PHLDB2: variants seen among roughly 807,000 people sequenced by gnomAD.
The protein encoded by PHLDB2 is pleckstrin homology like domain family B member 2.
Under a neutral mutation model 123.6 loss-of-function variants are expected in PHLDB2, and 71 were observed. That is an observed-to-expected ratio of 0.57 (90% CI 0.47 to 0.70). The LOEUF is 0.70. Among genes scored for constraint, PHLDB2 ranks in the 30% least tolerant of loss-of-function variants. PHLDB2 has a pLI of 0.00. For synonymous variants in PHLDB2, 547 were observed against 541.6 expected (o/e 1.01, Z -0.14); for missense variants, 1,446 against 1,519.5 (o/e 0.95, Z 0.80).
intron 1 of PHLDB2, among the ~76,000 whole-genome samples, chr3:111,771,800 T>C (rs1299291116): frequency 2.6e-5 from 4 of 152,164 alleles, no homozygotes; most frequent in Non-Finnish European, 5.9e-5. Context: ...AAGATCACAT[T>C]CACAGGTACT....
intron 14 of PHLDB2, 106 bp downstream of exon 14, chr3:111,966,809 T>A: frequency 1.3e-6 from 1 of 783,056 alleles, no homozygotes; most frequent in Admixed American, 2.6e-5. Flanking sequence ...GTTCCTGGAA[T>A]AAATCACTCA....
At chr3:111,734,921 A>T (rs1941635995) in intron 1 of PHLDB2, among the ~76,000 whole-genome samples, 2 of 152,238 alleles carry the variant, frequency 1.3e-5, no homozygotes, top group Admixed American at 1.3e-4. Context: ...AAAGGCCAGT[A>T]GTGGACTTCC....
intron 1 of PHLDB2, among the ~76,000 whole-genome samples, chr3:111,811,459 G>A (rs967186333): frequency 2.0e-5 from 3 of 152,220 alleles, no homozygotes; most frequent in South Asian, 4.1e-4. Context: ...AGGCCAGTGA[G>A]TGTCAAGCTT....
chr3:111,881,773 C>CTTTTTTTTT (rs11298720), intron 1 of PHLDB2, among the ~76,000 whole-genome samples: 1 of 137,432 alleles, frequency 7.3e-6, no homozygotes, highest in African/African-American at 2.7e-5. Flanking sequence ...CCTCACTTTT[C>CTTTTTTTTT]TTTTTTTTTT....
At chr3:111,845,479 T>G (rs2063934876) in intron 1 of PHLDB2, among the ~76,000 whole-genome samples, 1 of 135,108 alleles carries the variant, frequency 7.4e-6, no homozygotes, top group South Asian at 2.3e-4. Flanking sequence ...AAATAGAAAA[T>G]AAGCAGCAAC....
chr3:111,855,905 A>G (rs911404767), upstream of PHLDB2, among the ~76,000 whole-genome samples: 1 of 152,178 alleles, frequency 6.6e-6, no homozygotes, highest in Non-Finnish European at 1.5e-5. Context: ...TGTTGGGATT[A>G]CAGGCATGAG....
intron 11 of PHLDB2, 144 bp from the exon 12 acceptor site, chr3:111,953,786 T>A: frequency 1.7e-6 from 1 of 601,852 alleles, no homozygotes; most frequent in Non-Finnish European, 2.8e-6. Context: ...CCTTTACCAC[T>A]TAGCATCAAC....
chr3:111,956,146 A>G (rs1190875855), intron 12 of PHLDB2, among the ~76,000 whole-genome samples: 1 of 152,212 alleles, frequency 6.6e-6, no homozygotes, highest in Non-Finnish European at 1.5e-5. Flanking sequence ...GTGAGCTGCC[A>G]TCATGCCACT....
intron 2 of PHLDB2, among the ~76,000 whole-genome samples, chr3:111,886,954 A>G (rs573700090): frequency 6.6e-6 from 1 of 152,370 alleles, no homozygotes; most frequent in South Asian, 2.1e-4. Flanking sequence ...TATTATTTAT[A>G]AAGCCAGAAT....
intron 1 of PHLDB2, among the ~76,000 whole-genome samples, chr3:111,836,132 A>G (rs994691036): frequency 1.3e-5 from 2 of 152,210 alleles, no homozygotes; most frequent in Admixed American, 1.3e-4. Flanking sequence ...TTTCAATGAT[A>G]TGACTTAAGA....
intron 1 of PHLDB2, among the ~76,000 whole-genome samples, chr3:111,773,626 T>C (rs563062258): frequency 8.3e-4 from 126 of 152,346 alleles, no homozygotes; most frequent in African/African-American, 3.0e-3. Context: ...ACTTCGTATC[T>C]TTCTGCCTTG....
At chr3:111,748,439 A>T (rs2059715332) in intron 1 of PHLDB2, among the ~76,000 whole-genome samples, 1 of 152,162 alleles carries the variant, frequency 6.6e-6, no homozygotes, top group South Asian at 2.1e-4. Flanking sequence ...GGCAGGCAAA[A>T]TAGTCAAAAG....
intron 1 of PHLDB2, among the ~76,000 whole-genome samples, chr3:111,841,598 G>A (rs1488290184): frequency 6.6e-6 from 1 of 152,108 alleles, no homozygotes; most frequent in Admixed American, 6.5e-5. Flanking sequence ...AAAGAGATGC[G>A]TTTTCTCTGG....
intron 1 of PHLDB2, among the ~76,000 whole-genome samples, chr3:111,794,573 G>A (rs2061071842): frequency 6.6e-6 from 1 of 152,132 alleles, no homozygotes; most frequent in Non-Finnish European, 1.5e-5. Context: ...TGGCCATCTT[G>A]CTTCCTGAAG....
intron 1 of PHLDB2, among the ~76,000 whole-genome samples, chr3:111,752,609 T>C (rs1341701749): frequency 6.6e-6 from 1 of 151,572 alleles, no homozygotes; most frequent in Non-Finnish European, 1.5e-5. Flanking sequence ...ATTCGGTTAT[T>C]TTCTAACAAA....
intron 1 of PHLDB2, among the ~76,000 whole-genome samples, chr3:111,866,933 GT>G (rs2065116566): frequency 2.3e-5 from 2 of 87,482 alleles, no homozygotes; most frequent in African/African-American, 1.1e-4. Context: ...TCTAAGGGGT[GT>G]GTGTGTGTGT....
chr3:111,932,206 A>G (rs1255633268), intron 5 of PHLDB2, 63 bp from the exon 6 acceptor site: 19 of 1,506,262 alleles, frequency 1.3e-5, no homozygotes, highest in Non-Finnish European at 1.6e-5. Context: ...AGAAATGTTC[A>G]CTAGCACCTG....
At position 111,975,390 on chromosome 3, in the gene PHLDB2, T is replaced by G. The variant is rs2072456589; in HGVS notation, c.*827T>G. 6.6e-6 allele frequency: 1 copy of G among 152,220 alleles called. No individual in the cohort carries two copies. The highest frequency in any genetic ancestry group is 1.5e-5 in the Non-Finnish European group (1 of 68,032). 9.4% of individuals were successfully genotyped at this position (152,220 alleles called of 1,614,324 possible). A position where few individuals can be genotyped will look rare whatever the true frequency, so the allele number is the denominator to read the frequency against. ...AAAGAGAATATCTGGTGTTAGGAGC[T>G]TGTTTTGCTGAAGATTTCTCCATTC... On this transcript the variant is annotated 3_prime_UTR_variant, in exon 18 of 18. Transcript: ENST00000431670.
chr3:111,841,123 G>A (rs563778170), intron 1 of PHLDB2, among the ~76,000 whole-genome samples: 17 of 151,672 alleles, frequency 1.1e-4, no homozygotes, highest in Middle Eastern at 3.4e-3. Context: ...TTTTTGAGAC[G>A]GAGTCTCACT....
Sources: allele counts gnomAD v4.1 joint callset (sites outside exome capture counted in the v4.1 genomes callset), GRCh38; gene constraint gnomAD v4.1.1; transcripts MANE v1.5; gene names NCBI Gene and HGNC (gene_info 2026-07-23, HGNC 2026-07-21).